TRAPPC9: variants seen among roughly 807,000 people sequenced by gnomAD.
TRAPPC9 encodes the protein trafficking protein particle complex subunit 9.
In TRAPPC9, 83 loss-of-function variants were observed where a neutral mutation model predicts 124.0. The ratio of observed to expected loss-of-function variants is 0.67; its 90% CI spans 0.56 to 0.80. The LOEUF (loss-of-function observed/expected upper bound fraction) is 0.80. Among genes scored for constraint, TRAPPC9 ranks in the 30% least tolerant of loss-of-function variants. The pLI, the probability that TRAPPC9 is intolerant of heterozygous loss-of-function variation, is 0.00. For synonymous variants in TRAPPC9, 638 were observed against 617.5 expected (o/e 1.03, Z -0.49); for missense variants, 1,302 against 1,508.3 (o/e 0.86, Z 2.27).
At chr8:139,798,419 G>A (rs1823250880) in intron 21 of TRAPPC9, among the ~76,000 whole-genome samples, 1 of 152,234 alleles carries the variant, frequency 6.6e-6, no homozygotes, top group Non-Finnish European at 1.5e-5. Flanking sequence ...ACCCTAAAGA[G>A]AAGATTCTGG....
chr8:139,802,136 C>G (rs12680346), intron 21 of TRAPPC9, among the ~76,000 whole-genome samples: 1 of 151,974 alleles, frequency 6.6e-6, no homozygotes, highest in African/African-American at 2.4e-5. Context: ...CAGTACAGAA[C>G]GGCATGGGTC....
chr8:140,101,103 C>T (rs1432671598), intron 17 of TRAPPC9, among the ~76,000 whole-genome samples: 1 of 152,202 alleles, frequency 6.6e-6, no homozygotes, highest in Non-Finnish European at 1.5e-5. Flanking sequence ...AGCCACAAGC[C>T]ATCTTTTGGC....
In TRAPPC9 at chr8:140,451,166, C is replaced by A. The variant is rs187524836; in HGVS notation, c.208G>T (p.Asp70Tyr). ...ACGACTTTGCGGTGGGTCTGGAAGT[C>A]ACCCCACTCGTTGTTCTCGGGTGGG... Reference protein sequence around the residue: ...HYPPENNEWGDFQTHRKVVGL... With the variant: ...HYPPENNEWGYFQTHRKVVGL... The change falls in exon 2 of 23, where the codon GAC (aspartate) becomes TAC (tyrosine). Residue 70 changes from aspartate to tyrosine, a missense_variant. By Grantham distance (160) the Asp-to-Tyr change is radical. Around this residue, in one of 3 missense-constraint regions of TRAPPC9, gnomAD observed 657 missense variants for 811.2 expected, o/e 0.81. Transcript: ENST00000438773. 5 of 1,613,910 alleles carry A rather than the reference C, an allele frequency of 3.1e-6. No homozygotes were observed. The highest frequency in any genetic ancestry group is 4.2e-6 in the Non-Finnish European group (5 of 1,179,994).
intron 21 of TRAPPC9, among the ~76,000 whole-genome samples, chr8:139,761,590 C>T (rs1225469544): frequency 3.3e-5 from 5 of 152,048 alleles, no homozygotes; most frequent in Admixed American, 6.5e-5. Flanking sequence ...AGACCTGGGA[C>T]CCAACCCCTC....
chr8:140,279,856 T>C (rs945982010), intron 14 of TRAPPC9, among the ~76,000 whole-genome samples: 4 of 152,226 alleles, frequency 2.6e-5, no homozygotes, highest in African/African-American at 9.6e-5. Flanking sequence ...GGACACCTTA[T>C]TAGCAGGACA....
At chr8:140,409,302 A>G (rs886613811) in intron 5 of TRAPPC9, among the ~76,000 whole-genome samples, 16 of 152,250 alleles carry the variant, frequency 1.1e-4, no homozygotes, top group Admixed American at 1.0e-3. Flanking sequence ...AAAGCCTGAC[A>G]ACACACAGTG....
At chr8:140,225,970 C>T (rs2063441499) in intron 16 of TRAPPC9, among the ~76,000 whole-genome samples, 1 of 152,216 alleles carries the variant, frequency 6.6e-6, no homozygotes, top group African/African-American at 2.4e-5. Context: ...CTATTTTACA[C>T]TTATAACAAT....
At chr8:140,365,744 A>C (rs1007150961) in intron 8 of TRAPPC9, among the ~76,000 whole-genome samples, 1 of 152,238 alleles carries the variant, frequency 6.6e-6, no homozygotes, top group Non-Finnish European at 1.5e-5. Context: ...TGAACAATCA[A>C]TTTTTTGTAA....
chr8:140,349,145 C>T, intron 9 of TRAPPC9, among the ~76,000 whole-genome samples: 1 of 101,898 alleles, frequency 9.8e-6, no homozygotes, highest in Admixed American at 1.2e-4. Context: ...GAAGGGCACA[C>T]AGCGGGGGCC....
intron 9 of TRAPPC9, among the ~76,000 whole-genome samples, chr8:140,341,995 C>T (rs1333050145): frequency 6.6e-6 from 1 of 152,222 alleles, no homozygotes; most frequent in Non-Finnish European, 1.5e-5. Flanking sequence ...AAAGAAAGAT[C>T]ACTTTATCAT....
chr8:139,971,752 C>CACACACACACAT (rs71318320), intron 19 of TRAPPC9, among the ~76,000 whole-genome samples: 54,304 of 146,586 alleles, frequency 0.37, 11,421 homozygotes, highest in Non-Finnish European at 0.46. Context: ...TATATATACA[C>CACACACACACAT]ACACACACAC....
At position 139,786,873 on chromosome 8, in the gene TRAPPC9, A is replaced by C. The variant is rs558960069; in HGVS notation, c.3056-54671T>G. 1.2e-4 allele frequency among the ~76,000 whole-genome samples: 18 copies of C among 152,298 alleles called. No homozygotes were observed. In the South Asian group the frequency reaches 3.1e-3, roughly 26 times the overall value. On this transcript the variant is annotated intron_variant, in intron 21 of 22. Transcript: ENST00000438773. The stretch of plus-strand genomic sequence containing the variant: ...TACAGTGACAGAAAACGGGTCAGTG[A>C]TCGGAGGGGAAGGTGTCAGGGAGGG...
intron 12 of TRAPPC9, among the ~76,000 whole-genome samples, chr8:140,289,004 C>T (rs1241135683): frequency 4.6e-5 from 7 of 152,082 alleles, no homozygotes; most frequent in Admixed American, 3.9e-4. Flanking sequence ...AGTTCTCACG[C>T]GGGAAGAAAG....
At chr8:139,947,241 C>G (rs943091765) in intron 19 of TRAPPC9, among the ~76,000 whole-genome samples, 3 of 152,170 alleles carry the variant, frequency 2.0e-5, no homozygotes, top group Non-Finnish European at 4.4e-5. Flanking sequence ...TATTCTCACA[C>G]TTCAGATGCG....
chr8:139,879,159 G>C (rs1185600308), intron 21 of TRAPPC9, among the ~76,000 whole-genome samples: 1 of 152,202 alleles, frequency 6.6e-6, no homozygotes, highest in Non-Finnish European at 1.5e-5. Context: ...GGGAGCTGCA[G>C]CCTTAGTTCA....
In TRAPPC9 at chr8:139,790,277, C is replaced by T. The variant is rs567494823; in HGVS notation, c.3056-58075G>A. Among the ~76,000 whole-genome samples, 20 of 152,350 alleles carry T rather than the reference C, an allele frequency of 1.3e-4. 1 individual carries two copies. The highest frequency in any genetic ancestry group is 1.0e-3 in the Admixed American group (16 of 15,306). On this transcript the variant is annotated intron_variant, in intron 21 of 22. Transcript: ENST00000438773. The stretch of plus-strand genomic sequence containing the variant: ...AACTCAAGTGCTCTGCTGCCGCTGA[C>T]GCAGAGAGCTCAGCTCCACTAATCA...
In TRAPPC9 at chr8:140,208,181, T is replaced by G. The variant is rs546847315; in HGVS notation, c.2556+13278A>C. The stretch of plus-strand genomic sequence containing the variant: ...AAAAAAAAAAATTAATCTCAAATGT[T>G]TATTAAAATTCCTTCTCAGGAATTC... On this transcript the variant is annotated intron_variant, in intron 17 of 22. Coordinates refer to ENST00000438773, the MANE Select transcript of TRAPPC9 (RefSeq NM_001160372.4). Among the ~76,000 whole-genome samples the G allele has an allele frequency of 7.9e-5, 12 of 152,158 alleles. 1 individual carries two copies. In the East Asian group the frequency reaches 9.6e-4, roughly 12 times the overall value.
chr8:140,451,978 G>T (rs962413385), intron 1 of TRAPPC9, among the ~76,000 whole-genome samples: 2 of 151,862 alleles, frequency 1.3e-5, no homozygotes, highest in Non-Finnish European at 2.9e-5. Context: ...AAAATTAGCC[G>T]GGTGTGGTGG....
chr8:140,253,859 A>C (rs909783397), intron 15 of TRAPPC9, among the ~76,000 whole-genome samples: 2 of 152,178 alleles, frequency 1.3e-5, no homozygotes, highest in African/African-American at 4.8e-5. Context: ...CTCGAGTGCC[A>C]TGGAGAATAA....
Sources: gnomAD v4.1 joint callset for allele counts (sites outside exome capture counted in the v4.1 genomes callset) on GRCh38, gnomAD v4.1.1 for gene constraint, gnomAD v4.1.1 regional missense constraint, MANE v1.5 for transcripts, NCBI Gene and HGNC (gene_info 2026-07-23, HGNC 2026-07-21) for gene names.